The following KDM2A variants were observed in gnomAD, a reference collection of about 807,000 sequenced individuals.
The protein encoded by KDM2A is lysine-specific demethylase 2A.
KDM2A carries 3 observed loss-of-function variants against 137.3 expected under a neutral mutation model. That is an observed-to-expected ratio of 0.02 (90% CI 0.01 to 0.06). The LOEUF (loss-of-function observed/expected upper bound fraction) is 0.06, where lower values mean the gene tolerates loss of function less well. KDM2A is among the 10% of genes least tolerant of loss of function. KDM2A has a pLI of 1.00. For synonymous variants in KDM2A, 512 were observed against 541.5 expected, an observed-to-expected ratio of 0.95 and a Z score of 0.76; for missense variants, 738 against 1,510.6, an observed-to-expected ratio of 0.49 and a Z score of 8.48.
chr11:67,120,712 G>C (rs1411549080), intron 1 of KDM2A, among the ~76,000 whole-genome samples: 1 of 152,150 alleles, frequency 6.6e-6, no homozygotes, highest in Admixed American at 6.6e-5. Context: ...GGCGACGATT[G>C]TGCACGGCCT....
chr11:67,187,289 G>A (rs1857228831), intron 5 of KDM2A, among the ~76,000 whole-genome samples: 1 of 152,092 alleles, frequency 6.6e-6, no homozygotes, highest in African/African-American at 2.4e-5. Context: ...AATGACAGAA[G>A]TATGTTCCTC....
chr11:67,208,483 C>T (rs968538561), intron 6 of KDM2A, among the ~76,000 whole-genome samples: 18 of 151,802 alleles, frequency 1.2e-4, no homozygotes, highest in African/African-American at 4.1e-4. Flanking sequence ...TAAAATTCAA[C>T]CTTGGGGCCA....
chr11:67,203,413 G>C (rs1047025651), intron 5 of KDM2A, among the ~76,000 whole-genome samples: 9 of 113,052 alleles, frequency 8.0e-5, no homozygotes, highest in African/African-American at 2.4e-4. Flanking sequence ...AAATAGTCTA[G>C]TAATAAATAG....
intron 5 of KDM2A, among the ~76,000 whole-genome samples, chr11:67,191,278 GC>G (rs1262311063): frequency 6.6e-6 from 1 of 152,000 alleles, no homozygotes; most frequent in Non-Finnish European, 1.5e-5. Flanking sequence ...GCTCGCCTCG[GC>G]CTCCCAAAGT....
chr11:67,156,468 C>G lies in KDM2A; in HGVS notation c.43-23611C>G, dbSNP rs570526222. Among the ~76,000 whole-genome samples, 428 of 151,876 alleles carry G rather than the reference C, an allele frequency of 2.8e-3. 3 individuals are homozygous for G. Among genetic ancestry groups the G allele is most frequent in the Middle Eastern group, 0.014 (4 of 294 alleles). ...GCGCGGTGGCTCTCGGCTGTAATCC[C>G]AGCACTTTGGGAGGCGAGGTGGGCG... is the stretch of plus-strand genomic sequence containing the variant. On this transcript the variant is annotated intron_variant, in intron 2 of 20. Coordinates refer to ENST00000529006, the MANE Select transcript of KDM2A (RefSeq NM_012308.3).
intron 6 of KDM2A, among the ~76,000 whole-genome samples, chr11:67,214,338 G>A (rs900767125): frequency 6.6e-6 from 1 of 151,402 alleles, no homozygotes; most frequent in Non-Finnish European, 1.5e-5. Context: ...CCGAGTAGCT[G>A]GGACTACGGG....
intron 2 of KDM2A, among the ~76,000 whole-genome samples, chr11:67,142,119 A>G: frequency 6.6e-6 from 1 of 151,430 alleles, no homozygotes; most frequent in Non-Finnish European, 1.5e-5. Context: ...GCTCACTGCA[A>G]CCTCCACTTC....
At chr11:67,246,679 C>T (rs1217083397) in intron 15 of KDM2A, among the ~76,000 whole-genome samples, 1 of 152,082 alleles carries the variant, frequency 6.6e-6, no homozygotes, top group Non-Finnish European at 1.5e-5. Flanking sequence ...CCGAATTGTG[C>T]AGCCTTTGTG....
intron 10 of KDM2A, 133 bp downstream of exon 10, chr11:67,219,536 G>T: frequency 2.3e-6 from 1 of 443,716 alleles, no homozygotes; most frequent in South Asian, 5.2e-5. Flanking sequence ...GACATTTTGG[G>T]AACACACAAA....
chr11:67,229,711 A>C (rs996221136), intron 11 of KDM2A, among the ~76,000 whole-genome samples: 2 of 151,318 alleles, frequency 1.3e-5, no homozygotes, highest in Non-Finnish European at 2.9e-5. Flanking sequence ...TCTACTAAAA[A>C]ATACAGAAAT....
chr11:67,130,333 C>A (rs1174120836), intron 2 of KDM2A, among the ~76,000 whole-genome samples: 1 of 152,084 alleles, frequency 6.6e-6, no homozygotes, highest in Non-Finnish European at 1.5e-5. Flanking sequence ...TTAGTAGAGA[C>A]AGGGTTTCAC....
intron 5 of KDM2A, among the ~76,000 whole-genome samples, chr11:67,203,464 T>TC (rs151303515): frequency 6.8e-6 from 1 of 147,102 alleles, no homozygotes; most frequent in Non-Finnish European, 1.5e-5. Flanking sequence ...TATTTATTAA[T>TC]TATTAATAAT....
Position 67,119,330 on chromosome 11 carries a change from A to T in KDM2A, c.-803A>T, listed in dbSNP as rs1234225358. On this transcript the variant is annotated 5_prime_UTR_variant, in exon 1 of 21. Coordinates refer to ENST00000529006, the MANE Select transcript of KDM2A (RefSeq NM_012308.3). ...GCGGCTCCTCCTGTGTGAGGGAAAC[A>T]ACACCCCTCCCCGGCAGCGGCGGCG... The T allele has an allele frequency of 6.0e-6, 1 of 166,186 alleles. No individual in the cohort carries two copies. Among genetic ancestry groups the T allele is most frequent in the East Asian group, 1.8e-4 (1 of 5,558 alleles). The allele number at this position is 166,186 out of a possible 1,614,324, so 10.3% of individuals were successfully genotyped here.
intron 10 of KDM2A, among the ~76,000 whole-genome samples, chr11:67,224,461 C>CTTTT (rs35180780): frequency 0.011 from 1,040 of 95,162 alleles, 73 homozygotes; most frequent in African/African-American, 0.034. Context: ...TAACCCCTTT[C>CTTTT]TTTTTTTTTT....
chr11:67,183,663 A>C (rs1291511203), intron 5 of KDM2A, among the ~76,000 whole-genome samples: 1 of 152,190 alleles, frequency 6.6e-6, no homozygotes. Flanking sequence ...CTGCCAACCA[A>C]GCCCATGACA....
At chr11:67,252,163 A>G (rs1859448406) in intron 17 of KDM2A, among the ~76,000 whole-genome samples, 3 of 152,196 alleles carry the variant, frequency 2.0e-5, no homozygotes, top group Admixed American at 1.3e-4. Flanking sequence ...TGTAAGCCTG[A>G]TAAAGAGCCT....
chr11:67,210,461 T>A (rs1246191266), intron 6 of KDM2A, among the ~76,000 whole-genome samples: 1 of 152,246 alleles, frequency 6.6e-6, no homozygotes, highest in Non-Finnish European at 1.5e-5. Flanking sequence ...TGTCTCACTA[T>A]TCCACATGAA....
In KDM2A at chr11:67,250,365, A is replaced by G; in HGVS notation, c.2335A>G (p.Asn779Asp). 1.2e-6 allele frequency: 2 copies of G among 1,613,980 alleles called. No homozygotes were observed. The highest frequency in any genetic ancestry group is 1.7e-6 in the Non-Finnish European group (2 of 1,179,876). The change falls in exon 17 of 21, where the codon AAT becomes GAT. Residue 779 changes from asparagine (N) to aspartate (D), a missense_variant. Physicochemically the swap from Asn to Asp is conservative, Grantham distance 23. Transcript: ENST00000529006. The surrounding 1 kb of genome is among the most constrained non-coding windows in gnomAD (Gnocchi z 7.1). The stretch of plus-strand genomic sequence containing the variant: ...CACCATGGTACGGGAAAAGGAGAAC[A>G]ATCCCAGCGGCAAAAAGGAGCTGTC... The part of the protein sequence containing the change: ...ERTMVREKEN[N>D]PSGKKELSEV...
chr11:67,195,339 A>C (rs1329449073), intron 5 of KDM2A, among the ~76,000 whole-genome samples: 2 of 127,722 alleles, frequency 1.6e-5, no homozygotes, highest in African/African-American at 5.7e-5. Context: ...ACTGCACTCC[A>C]GCCTGGGTGA....
Sources: gnomAD v4.1 joint callset for allele counts (sites outside exome capture counted in the v4.1 genomes callset) on GRCh38, gnomAD v4.1.1 for gene constraint, Gnocchi (gnomAD v3.1) non-coding constraint, MANE v1.5 for transcripts, NCBI Gene and HGNC (gene_info 2026-07-23, HGNC 2026-07-21) for gene names.